The following POU2F1 variants were observed in gnomAD, a reference collection of about 807,000 sequenced individuals.
The protein encoded by POU2F1 is POU domain, class 2, transcription factor 1.
In POU2F1, 16 loss-of-function variants were observed where a neutral mutation model predicts 84.9. That is an observed-to-expected ratio of 0.19 (90% CI 0.13 to 0.29). The LOEUF (loss-of-function observed/expected upper bound fraction) is 0.29, where lower values mean the gene tolerates loss of function less well. Among genes scored for constraint, POU2F1 ranks in the 10% least tolerant of loss-of-function variants. POU2F1 has a pLI of 1.00. For synonymous variants in POU2F1, 368 were observed against 368.3 expected (o/e 1.00, Z 0.01); for missense variants, 738 against 942.6 (o/e 0.78, Z 2.84).
At chr1:167,393,808 T>A (rs1214373104) in intron 9 of POU2F1, among the ~76,000 whole-genome samples, 1 of 152,182 alleles carries the variant, frequency 6.6e-6, no homozygotes, top group Non-Finnish European at 1.5e-5. Context: ...CAGAAAACAC[T>A]TATTGCCATC....
At chr1:167,246,811 T>C (rs1440495263) in intron 1 of POU2F1, among the ~76,000 whole-genome samples, 1 of 152,182 alleles carries the variant, frequency 6.6e-6, no homozygotes, top group Non-Finnish European at 1.5e-5. Context: ...ATAACCTAAA[T>C]GGAACTGTTA....
intron 1 of POU2F1, among the ~76,000 whole-genome samples, chr1:167,331,285 C>A (rs1330043966): frequency 2.0e-5 from 3 of 151,998 alleles, no homozygotes. Flanking sequence ...AAAAGAAAGA[C>A]TCCTGATTTT....
At chr1:167,355,701 A>G (rs1278707568) in intron 2 of POU2F1, among the ~76,000 whole-genome samples, 1 of 151,904 alleles carries the variant, frequency 6.6e-6, no homozygotes, top group Non-Finnish European at 1.5e-5. Flanking sequence ...TTTTTTCACT[A>G]TGTTGCTCAA....
At position 167,302,025 on chromosome 1, in the gene POU2F1, C is replaced by T. The variant is rs145441443; in HGVS notation, c.62-30445C>T. Among the ~76,000 whole-genome samples the T allele has an allele frequency of 4.1e-3, 622 of 152,038 alleles. 5 individuals are homozygous for T. Among genetic ancestry groups the T allele is most frequent in the African/African-American group, 0.015 (602 of 41,474 alleles). On this transcript the variant is annotated intron_variant, in intron 1 of 15. Transcript: ENST00000367866. ...ATCTCTGATTTTAAGTAGTATGAGC[C>T]TCTATGCTCCCCTTCACTCACAAAA...
intron 1 of POU2F1, among the ~76,000 whole-genome samples, chr1:167,297,015 T>G (rs922704650): frequency 1.3e-5 from 2 of 152,128 alleles, no homozygotes; most frequent in Non-Finnish European, 2.9e-5. Flanking sequence ...GATAACTAAG[T>G]TGATGTGCAA....
At chr1:167,404,483 T>C (rs763736508) in intron 13 of POU2F1, among the ~76,000 whole-genome samples, 9 of 152,234 alleles carry the variant, frequency 5.9e-5, no homozygotes, top group Non-Finnish European at 1.2e-4. Flanking sequence ...CTTTCTGTCA[T>C]ACTTTTCCAA....
At chr1:167,231,842 A>G (rs1161787215) in intron 1 of POU2F1, among the ~76,000 whole-genome samples, 2 of 152,218 alleles carry the variant, frequency 1.3e-5, no homozygotes, top group Non-Finnish European at 2.9e-5. Flanking sequence ...TGAAAGATGA[A>G]TAGGAATTAA....
At chr1:167,382,169 C>T (rs1647615213) in intron 7 of POU2F1, among the ~76,000 whole-genome samples, 1 of 152,070 alleles carries the variant, frequency 6.6e-6, no homozygotes, top group Non-Finnish European at 1.5e-5. Context: ...AAATAGTAAA[C>T]ATGTAAACAA....
At chr1:167,343,203 G>A (rs1233135332) in intron 2 of POU2F1, among the ~76,000 whole-genome samples, 2 of 152,146 alleles carry the variant, frequency 1.3e-5, no homozygotes, top group African/African-American at 4.8e-5. Context: ...GAAGCTGTGC[G>A]AATAGGAAGT....
chr1:167,251,969 C>T (rs896011649), intron 1 of POU2F1, among the ~76,000 whole-genome samples: 3 of 150,998 alleles, frequency 2.0e-5, no homozygotes, highest in Admixed American at 6.6e-5. Context: ...CTCAGCCTCC[C>T]GAGTAGCTGG....
intron 13 of POU2F1, among the ~76,000 whole-genome samples, chr1:167,402,147 C>T (rs1344911525): frequency 6.6e-6 from 1 of 152,104 alleles, no homozygotes; most frequent in Non-Finnish European, 1.5e-5. Flanking sequence ...CCTTTGGCCT[C>T]TTTTAAATAG....
At chr1:167,237,229 A>C (rs914376522) in intron 1 of POU2F1, among the ~76,000 whole-genome samples, 3 of 152,218 alleles carry the variant, frequency 2.0e-5, no homozygotes, top group African/African-American at 7.2e-5. Context: ...GAGAGAGGCT[A>C]TCTAACGAGA....
chr1:167,351,532 AAAAAAAAAAAAG>A lies in POU2F1; in HGVS notation c.128-13931_128-13920del, dbSNP rs1239502725. On this transcript the variant is annotated intron_variant, in intron 2 of 15. Transcript: ENST00000367866. ...GAAGCACCATCTCAAAAAAAAAAAA[AAAAAAAAAAAAG>A]AAAGAAAGAAAAAAAAGAAAAGAAA... 7.5e-3 allele frequency among the ~76,000 whole-genome samples: 1,114 copies of A among 148,844 alleles called. 8 individuals carry two copies. The highest frequency in any genetic ancestry group is 0.026 in the African/African-American group (1,045 of 39,576).
intron 1 of POU2F1, among the ~76,000 whole-genome samples, chr1:167,274,974 G>A (rs1048792460): frequency 6.6e-6 from 1 of 151,024 alleles, no homozygotes; most frequent in Non-Finnish European, 1.5e-5. Context: ...GATTTGCAGT[G>A]AATGAATTGC....
chr1:167,369,315 GT>G (rs1659866336), intron 3 of POU2F1, among the ~76,000 whole-genome samples: 1 of 152,126 alleles, frequency 6.6e-6, no homozygotes. Flanking sequence ...GGTGACTCTT[GT>G]TTGTGCTCAC....
At chr1:167,308,808 C>T (rs1219335981) in intron 1 of POU2F1, among the ~76,000 whole-genome samples, 4 of 152,136 alleles carry the variant, frequency 2.6e-5, no homozygotes, top group South Asian at 2.1e-4. Context: ...CATGAGCCAC[C>T]GTGCCTGGCC....
intron 3 of POU2F1, among the ~76,000 whole-genome samples, chr1:167,368,494 G>A (rs1399593568): frequency 6.6e-6 from 1 of 152,050 alleles, no homozygotes; most frequent in Non-Finnish European, 1.5e-5. Flanking sequence ...GTACTTTAAA[G>A]ACTGTGTAAA....
At chr1:167,346,090 G>T (rs1658177962) in intron 2 of POU2F1, among the ~76,000 whole-genome samples, 1 of 151,976 alleles carries the variant, frequency 6.6e-6, no homozygotes, top group Non-Finnish European at 1.5e-5. Flanking sequence ...GAGGAAGATC[G>T]CTTGAGTCTA....
chr1:167,413,131 T>C lies in POU2F1; in HGVS notation c.1990+17T>C. 1 of 1,595,424 alleles carries C rather than the reference T, an allele frequency of 6.3e-7. No individual in the cohort carries two copies. Among genetic ancestry groups the C allele is most frequent in the South Asian group, 1.1e-5 (1 of 90,568 alleles). ...CTATTCAAGGTCAGTAGAAGCCTTT[T>C]TCTTAATTTGGTGGCATGCACGTGT... is the stretch of plus-strand genomic sequence containing the variant. On this transcript the variant is annotated intron_variant, in intron 15 of 15. Transcript: ENST00000367866.
Sources: gnomAD v4.1 joint callset for allele counts (sites outside exome capture counted in the v4.1 genomes callset) on GRCh38, gnomAD v4.1.1 for gene constraint, MANE v1.5 for transcripts, NCBI Gene and HGNC (gene_info 2026-07-23, HGNC 2026-07-21) for gene names.